The following ACOT12 variants were observed in gnomAD, a reference collection of about 807,000 sequenced individuals.
The protein encoded by ACOT12 is acetyl-coenzyme A thioesterase.
Under a neutral mutation model 67.7 loss-of-function variants are expected in ACOT12, and 51 were observed. The ratio of observed to expected loss-of-function variants is 0.75; its 90% CI spans 0.60 to 0.95. The LOEUF is 0.95. Ranked by LOEUF, ACOT12 falls within the 40% of genes least tolerant of loss-of-function variation. The pLI is 0.00. For synonymous variants in ACOT12, 251 were observed against 244.6 expected (o/e 1.03, Z -0.24); for missense variants, 734 against 708.1 (o/e 1.04, Z -0.41).
Position 81,347,469 on chromosome 5 carries a change from G to T in ACOT12, c.653+305C>A, listed in dbSNP as rs186874867. Among the ~76,000 whole-genome samples the T allele has an allele frequency of 5.9e-5, 9 of 152,188 alleles. No individual in the cohort carries two copies. In the East Asian group the frequency reaches 1.7e-3, roughly 29 times the overall value. ...TCTATTTCTGTTCTGCATTTACTTT[G>T]TCATAAGCTATCAAGACAATGAGTT... On this transcript the variant is annotated intron_variant, in intron 6 of 14. Coordinates refer to ENST00000307624, the MANE Select transcript of ACOT12 (RefSeq NM_130767.3).
intron 12 of ACOT12, among the ~76,000 whole-genome samples, chr5:81,333,458 T>G (rs1357177320): frequency 6.6e-6 from 1 of 152,222 alleles, no homozygotes; most frequent in Admixed American, 6.5e-5. Context: ...GTGGGGTTAT[T>G]GCAAGGATTC....
chr5:81,367,102 T>C (rs933583871), intron 3 of ACOT12, among the ~76,000 whole-genome samples: 4 of 152,176 alleles, frequency 2.6e-5, no homozygotes, highest in African/African-American at 9.7e-5. Flanking sequence ...ATTCTATACC[T>C]ACTGAATATG....
chr5:81,343,908 T>C (rs1205763475), intron 9 of ACOT12, 27 bp from the exon 10 acceptor site: 1 of 1,599,112 alleles, frequency 6.3e-7, no homozygotes, highest in Non-Finnish European at 8.6e-7. Flanking sequence ...AAGTGTTAAA[T>C]GACAGTTTTT....
intron 13 of ACOT12, 146 bp downstream of exon 13, chr5:81,332,331 A>G (rs1227027901): frequency 2.2e-6 from 2 of 915,456 alleles, no homozygotes; most frequent in Non-Finnish European, 3.1e-6. Flanking sequence ...TTAAAATAAT[A>G]GCTAAAGATT....
At chr5:81,367,043 A>G (rs1760102210) in intron 3 of ACOT12, among the ~76,000 whole-genome samples, 1 of 152,230 alleles carries the variant, frequency 6.6e-6, no homozygotes, top group African/African-American at 2.4e-5. Context: ...CAGTAGCTCT[A>G]GAAACCCAAG....
At chr5:81,376,593 C>T (rs898046127) in intron 2 of ACOT12, among the ~76,000 whole-genome samples, 13 of 151,516 alleles carry the variant, frequency 8.6e-5, no homozygotes, top group Admixed American at 5.9e-4. Context: ...GACCCCTATC[C>T]GGACTAATAA....
intron 11 of ACOT12, among the ~76,000 whole-genome samples, chr5:81,339,005 C>T (rs1216038582): frequency 2.0e-5 from 3 of 151,550 alleles, no homozygotes; most frequent in African/African-American, 7.3e-5. Flanking sequence ...CCCTGGAACC[C>T]AGGAGGGGGA....
intron 2 of ACOT12, among the ~76,000 whole-genome samples, chr5:81,375,663 G>GA (rs797017833): frequency 1.0e-3 from 128 of 126,044 alleles, no homozygotes; most frequent in Admixed American, 2.6e-3. Context: ...CAAATGGAAA[G>GA]AAAAAAAAAA....
chr5:81,381,072 T>C (rs1760569839), intron 2 of ACOT12, among the ~76,000 whole-genome samples: 2 of 152,012 alleles, frequency 1.3e-5, no homozygotes, highest in Non-Finnish European at 2.9e-5. Flanking sequence ...TAAAACCTTT[T>C]TTTTTTTTTT....
chr5:81,381,816 G>A (rs1287392898), intron 2 of ACOT12, among the ~76,000 whole-genome samples: 2 of 152,082 alleles, frequency 1.3e-5, no homozygotes, highest in Non-Finnish European at 2.9e-5. Context: ...AAAATAAAAA[G>A]CAAATTAAAC....
chr5:81,345,944 T>C lies in ACOT12; in HGVS notation c.714A>G (p.Pro238=), dbSNP rs1174180975. 4 of 1,613,986 alleles carry C rather than the reference T, an allele frequency of 2.5e-6. No individual in the cohort carries two copies. Among genetic ancestry groups the C allele is most frequent in the African/African-American group, 2.7e-5 (2 of 74,928 alleles). Residue 238 remains proline (P), a synonymous_variant, in exon 7 of 15, where the codon CCA becomes CCG. Transcript: ENST00000307624. ...AGACAAGACGATCTCCAACTGTAGA[T>C]GGTCCCCGGAACTTAAACATATCTA... ...KSVDMFKFRG[P]STVGDRLVFT...
At chr5:81,342,248 C>T (rs989135273) in intron 11 of ACOT12, among the ~76,000 whole-genome samples, 67 of 152,122 alleles carry the variant, frequency 4.4e-4, no homozygotes, top group African/African-American at 1.6e-3. Context: ...GCCTTGGCCT[C>T]CCAAAGTACT....
intron 2 of ACOT12, among the ~76,000 whole-genome samples, chr5:81,372,655 G>T (rs1215342774): frequency 6.6e-6 from 1 of 152,118 alleles, no homozygotes; most frequent in African/African-American, 2.4e-5. Context: ...AATGCTCAAA[G>T]CTTCTCCTTT....
intron 2 of ACOT12, 120 bp from the exon 3 acceptor site, chr5:81,371,930 C>T (rs1760267195): frequency 1.2e-6 from 1 of 828,442 alleles, no homozygotes; most frequent in Non-Finnish European, 1.9e-6. Flanking sequence ...TGATAATTTT[C>T]ATGCATGCGA....
intron 2 of ACOT12, among the ~76,000 whole-genome samples, chr5:81,372,025 C>G (rs182840060): frequency 6.6e-6 from 1 of 152,030 alleles, no homozygotes; most frequent in Non-Finnish European, 1.5e-5. Flanking sequence ...GTTAGCGGAC[C>G]ACCAATATTT....
intron 11 of ACOT12, among the ~76,000 whole-genome samples, chr5:81,340,972 A>G (rs1277089253): frequency 1.3e-5 from 2 of 152,192 alleles, no homozygotes; most frequent in Non-Finnish European, 2.9e-5. Context: ...CCACAACACT[A>G]GCAAATTTAT....
At chr5:81,357,839 C>A (rs115515192) in intron 5 of ACOT12, among the ~76,000 whole-genome samples, 1,691 of 152,030 alleles carry the variant, frequency 0.011, 17 homozygotes, top group South Asian at 0.017. Flanking sequence ...AACCTCGTCT[C>A]CCCTAAAAAC....
intron 1 of ACOT12, among the ~76,000 whole-genome samples, chr5:81,388,098 T>C (rs758950931): frequency 2.0e-5 from 3 of 152,134 alleles, no homozygotes; most frequent in African/African-American, 7.2e-5. Flanking sequence ...CTTTTATAAA[T>C]AAGAAAATTT....
At chr5:81,390,573 G>A (rs544805468) in intron 1 of ACOT12, among the ~76,000 whole-genome samples, 6 of 150,808 alleles carry the variant, frequency 4.0e-5, no homozygotes, top group South Asian at 2.2e-4. Context: ...GTACAATCTC[G>A]GCTCACTGCA....
Sources: allele counts gnomAD v4.1 joint callset (sites outside exome capture counted in the v4.1 genomes callset), GRCh38; gene constraint gnomAD v4.1.1; transcripts MANE v1.5; gene names NCBI Gene and HGNC (gene_info 2026-07-23, HGNC 2026-07-21).